The following MAST2 variants were observed in gnomAD, a reference collection of about 807,000 sequenced individuals.
MAST2 encodes the protein microtubule associated serine/threonine kinase 2.
Under a neutral mutation model 147.4 loss-of-function variants are expected in MAST2, and 70 were observed. The ratio of observed to expected loss-of-function variants is 0.47; its 90% CI spans 0.39 to 0.58. MAST2 has a LOEUF of 0.58. Ranked by LOEUF, MAST2 falls within the 20% of genes least tolerant of loss-of-function variation. The pLI, the probability that MAST2 is intolerant of heterozygous loss-of-function variation, is 0.00. For missense variants in MAST2, 2,080 were observed against 2,302.3 expected (o/e 0.90, Z 1.98); for synonymous variants, 869 against 896.8 (o/e 0.97, Z 0.55).
At position 45,948,392 on chromosome 1, in the gene MAST2, C is replaced by T. The variant is rs534788512; in HGVS notation, c.501-10994C>T. Among the ~76,000 whole-genome samples the T allele has an allele frequency of 1.1e-4, 16 of 152,078 alleles. No individual in the cohort carries two copies. The South Asian group carries it at 3.3e-3, about 32-fold the overall frequency. On this transcript the variant is annotated intron_variant, in intron 4 of 28. Transcript: ENST00000361297. Reference sequence around the variant, plus strand: ...ACTACCAAGAGTATTCTTCACAGAACTAGAAAAATTATTTAAAAAATTATA... The same window carrying T: ...ACTACCAAGAGTATTCTTCACAGAATTAGAAAAATTATTTAAAAAATTATA...
Position 46,030,717 on chromosome 1 carries a change from G to A in MAST2, c.2664G>A (p.Gly888=), listed in dbSNP as rs752066505. The A allele has an allele frequency of 3.1e-6, 5 of 1,600,742 alleles. No homozygotes were observed. The highest frequency in any genetic ancestry group is 3.4e-6 in the Non-Finnish European group (4 of 1,175,762). Residue 888 remains glycine, a synonymous_variant, in exon 22 of 29, where the codon GGG becomes GGA. Transcript: ENST00000361297. ...AGGACCATTCAGATGGCCTGGCAGG[G>A]CTCAAAGGCCGAGACCGGAGCTGGG... The part of the protein sequence containing the change: ...EKEDHSDGLA[G]LKGRDRSWVI...
chr1:45,935,633 A>G (rs1224136690), intron 4 of MAST2, among the ~76,000 whole-genome samples: 1 of 152,166 alleles, frequency 6.6e-6, no homozygotes, highest in Admixed American at 6.5e-5. Flanking sequence ...TCCCAGCACC[A>G]TTTATTGAAT....
chr1:45,929,164 C>T (rs1654880986), intron 4 of MAST2, among the ~76,000 whole-genome samples: 1 of 152,142 alleles, frequency 6.6e-6, no homozygotes, highest in Non-Finnish European at 1.5e-5. Context: ...GATGATTCTC[C>T]TTCCCTTTAT....
chr1:45,804,164 G>A, intron 1 of MAST2, 92 bp downstream of exon 1: 2 of 1,263,984 alleles, frequency 1.6e-6, no homozygotes, highest in Non-Finnish European at 2.0e-6. Context: ...GAGCTTTGGA[G>A]GGGTGGGGTC....
chr1:45,924,030 C>G (rs1653961153), intron 4 of MAST2, among the ~76,000 whole-genome samples: 1 of 152,118 alleles, frequency 6.6e-6, no homozygotes, highest in Non-Finnish European at 1.5e-5. Flanking sequence ...CGCCACCACA[C>G]CTGGCTAATT....
In MAST2 at chr1:45,824,579, G is replaced by T; in HGVS notation, c.324G>T (p.Ser108=). Residue 108 remains serine (S), a splice_region_variant and synonymous_variant, in exon 2 of 29, where the codon TCG becomes TCT. Transcript: ENST00000361297. ...LWRGNLASSL[S]GKQLLPLSSS... is the part of the protein sequence containing the mutation. ...GAGGAAACCTGGCCAGCTCTCTATC[G>T]GGTAAATATCTGATTTTGTTGTTTT... The T allele has an allele frequency of 6.3e-7, 1 of 1,583,866 alleles. No individual in the cohort carries two copies. The highest frequency in any genetic ancestry group is 1.4e-5 in the African/African-American group (1 of 74,072).
intron 5 of MAST2, among the ~76,000 whole-genome samples, chr1:45,960,244 C>T (rs1660227950): frequency 6.6e-6 from 1 of 152,162 alleles, no homozygotes; most frequent in African/African-American, 2.4e-5. Context: ...CACAGTGGCT[C>T]CCGCCTGTAA....
At chr1:45,915,980 C>G (rs930936439) in intron 4 of MAST2, among the ~76,000 whole-genome samples, 6 of 152,092 alleles carry the variant, frequency 3.9e-5, no homozygotes, top group Admixed American at 3.9e-4. Context: ...TTAAAATTAA[C>G]ATTTTTACTT....
chr1:45,967,176 C>T (rs1438077371), intron 5 of MAST2, among the ~76,000 whole-genome samples: 1 of 151,842 alleles, frequency 6.6e-6, no homozygotes, highest in Non-Finnish European at 1.5e-5. Context: ...CAGGTTCAAG[C>T]GATTCTCCTG....
rs531616804 is a variant in MAST2, at chr1:45,857,647, A to G, written c.469-24717A>G. 1.1e-4 allele frequency among the ~76,000 whole-genome samples: 16 copies of G among 152,244 alleles called. No homozygotes were observed. The South Asian group carries it at 2.9e-3, about 28-fold the overall frequency. On this transcript the variant is annotated intron_variant, in intron 3 of 28. Coordinates refer to ENST00000361297, the MANE Select transcript of MAST2 (RefSeq NM_015112.3). ...TTAAGTTCTAGGGTACATGTGCACA[A>G]TGTGCAGGTTTGTTACATATGTATA...
chr1:45,991,903 A>AT (rs35775812), intron 5 of MAST2, among the ~76,000 whole-genome samples: 3 of 151,356 alleles, frequency 2.0e-5, no homozygotes, highest in East Asian at 1.9e-4. Context: ...TAATTTATGT[A>AT]TTTTTTTTAG....
intron 3 of MAST2, among the ~76,000 whole-genome samples, chr1:45,848,755 T>G (rs1422630724): frequency 2.6e-5 from 4 of 152,088 alleles, no homozygotes; most frequent in East Asian, 1.9e-4. Context: ...GAGAAAGAAA[T>G]AAACGGCATT....
rs770854141 is a variant in MAST2 at position 45,882,447 on chromosome 1, C to A, written c.500+52C>A. The A allele has an allele frequency of 3.7e-6, 5 of 1,362,658 alleles. No homozygotes were observed. In the South Asian group the frequency reaches 5.9e-5, roughly 16 times the overall value. 84.4% of individuals were successfully genotyped at this position (1,362,658 alleles called of 1,614,324 possible). On this transcript the variant is annotated intron_variant, in intron 4 of 28. Transcript: ENST00000361297. ...ATTATGATCTCCTACTTAGGAACCC[C>A]TCTTGGGAACATTTCCCACTATCAT...
intron 5 of MAST2, among the ~76,000 whole-genome samples, chr1:45,973,465 C>T (rs576638126): frequency 6.6e-6 from 1 of 152,292 alleles, no homozygotes; most frequent in East Asian, 1.9e-4. Context: ...CCTTCGATAA[C>T]TATATTGAGA....
At chr1:45,940,569 AACAGAGT>A (rs1181204135) in intron 4 of MAST2, among the ~76,000 whole-genome samples, 1 of 152,150 alleles carries the variant, frequency 6.6e-6, no homozygotes, top group Admixed American at 6.5e-5. Flanking sequence ...CGGGCATACA[AACAGAGT>A]AGAGTAGTCT....
intron 4 of MAST2, among the ~76,000 whole-genome samples, chr1:45,930,380 G>GTTGTT: frequency 1.3e-5 from 1 of 79,104 alleles, no homozygotes; most frequent in Non-Finnish European, 2.9e-5. Context: ...CGCCTGGCCT[G>GTTGTT]TTTTTTGTTT....
At chr1:46,028,961 G>C (rs2149324214) in intron 18 of MAST2, 28 bp downstream of exon 18, 1 of 1,529,936 alleles carries the variant, frequency 6.5e-7, no homozygotes, top group Admixed American at 2.2e-5. Flanking sequence ...GGCCCAGTGG[G>C]GAAACAGAGT....
chr1:45,989,501 G>A (rs1427308535), intron 5 of MAST2, among the ~76,000 whole-genome samples: 1 of 152,076 alleles, frequency 6.6e-6, no homozygotes, highest in African/African-American at 2.4e-5. Context: ...AATACAGTTA[G>A]ATTCTCTTGT....
intron 3 of MAST2, among the ~76,000 whole-genome samples, chr1:45,867,281 G>A (rs183044985): frequency 3.3e-5 from 5 of 152,202 alleles, no homozygotes; most frequent in African/African-American, 1.2e-4. Context: ...GGTAACCTCA[G>A]ATTTGAAGGT....
Sources: gnomAD v4.1 joint callset for allele counts (sites outside exome capture counted in the v4.1 genomes callset) on GRCh38, gnomAD v4.1.1 for gene constraint, MANE v1.5 for transcripts, NCBI Gene and HGNC (gene_info 2026-07-23, HGNC 2026-07-21) for gene names.